The following KHDRBS2 variants were observed in gnomAD, a reference collection of about 807,000 sequenced individuals.
KHDRBS2 encodes the protein KH RNA binding domain containing, signal transduction associated 2, also known as KH domain-containing, RNA-binding, signal transduction-associated protein 2.
In KHDRBS2, 26 loss-of-function variants were observed where a neutral mutation model predicts 44.3. The ratio of observed to expected loss-of-function variants is 0.59; its 90% CI spans 0.43 to 0.81. The LOEUF (loss-of-function observed/expected upper bound fraction) is 0.81, where lower values mean the gene tolerates loss of function less well. KHDRBS2 is among the 40% of genes least tolerant of loss of function. The probability of loss-of-function intolerance (pLI) is 0.00; values close to 1 mark genes in which losing one functional copy is unlikely to be tolerated. For synonymous variants in KHDRBS2, 194 were observed against 151.1 expected (o/e 1.28, Z -2.08); for missense variants, 476 against 433.1 (o/e 1.10, Z -0.88).
the KHDRBS2 span, among the ~76,000 whole-genome samples, chr6:61,658,755 C>A: frequency 6.6e-6 from 1 of 151,900 alleles, no homozygotes; most frequent in Non-Finnish European, 1.5e-5. Flanking sequence ...AAATAGTACA[C>A]AATCCACATT....
the KHDRBS2 span, among the ~76,000 whole-genome samples, chr6:61,630,921 ACT>A: frequency 6.6e-6 from 1 of 151,692 alleles, no homozygotes; most frequent in Non-Finnish European, 1.5e-5. Context: ...GGTTTTTTAG[ACT>A]CTTCAGTGAG....
At chr6:61,978,006 G>A in intron 4 of KHDRBS2, 60 bp downstream of exon 4, 1 of 1,356,968 alleles carries the variant, frequency 7.4e-7, no homozygotes, top group African/African-American at 1.5e-5. Context: ...GAAGATCAAA[G>A]GTGCATTTTA....
At chr6:61,989,073 T>G (rs973218987) in intron 3 of KHDRBS2, among the ~76,000 whole-genome samples, 4 of 152,198 alleles carry the variant, frequency 2.6e-5, no homozygotes, top group African/African-American at 9.6e-5. Context: ...GGCTAGATTC[T>G]CCCTGTTGAA....
chr6:61,634,906 T>C, the KHDRBS2 span, among the ~76,000 whole-genome samples: 4 of 152,082 alleles, frequency 2.6e-5, no homozygotes, highest in East Asian at 5.8e-4. Context: ...CTTGTCTCAC[T>C]TTATTTAAGT....
intron 4 of KHDRBS2, among the ~76,000 whole-genome samples, chr6:61,962,238 A>C (rs944678631): frequency 5.9e-5 from 9 of 152,096 alleles, no homozygotes; most frequent in Non-Finnish European, 1.2e-4. Flanking sequence ...TTGAAAGTTC[A>C]TGGTTAGGTT....
intron 6 of KHDRBS2, among the ~76,000 whole-genome samples, chr6:61,817,772 A>G (rs1421332570): frequency 6.6e-6 from 1 of 151,620 alleles, no homozygotes; most frequent in Non-Finnish European, 1.5e-5. Context: ...CATAATAAGT[A>G]TAGCTTCCAC....
chr6:62,208,582 T>G (rs1828449085), intron 1 of KHDRBS2, among the ~76,000 whole-genome samples: 1 of 152,138 alleles, frequency 6.6e-6, no homozygotes, highest in Non-Finnish European at 1.5e-5. Flanking sequence ...TTTCACCTCT[T>G]TTGGGTATAT....
intron 7 of KHDRBS2, among the ~76,000 whole-genome samples, chr6:61,730,824 A>ATGTGTG: frequency 6.6e-6 from 1 of 150,518 alleles, no homozygotes; most frequent in South Asian, 2.1e-4. Context: ...CATTATATAT[A>ATGTGTG]TGTGTGTGTG....
chr6:61,578,833 CT>C, the KHDRBS2 span, among the ~76,000 whole-genome samples: 1 of 152,164 alleles, frequency 6.6e-6, no homozygotes, highest in African/African-American at 2.4e-5. Flanking sequence ...TCCTCATTGT[CT>C]TCTTTAAAGA....
intron 6 of KHDRBS2, among the ~76,000 whole-genome samples, chr6:61,801,564 T>C (rs1786283438): frequency 6.6e-6 from 1 of 152,178 alleles, no homozygotes; most frequent in African/African-American, 2.4e-5. Flanking sequence ...ATTTGTCTTA[T>C]TCAATTTTGT....
intron 6 of KHDRBS2, among the ~76,000 whole-genome samples, chr6:61,793,505 T>C (rs1397392863): frequency 6.6e-5 from 10 of 152,010 alleles, no homozygotes; most frequent in Non-Finnish European, 1.3e-4. Flanking sequence ...TAGTTACTTC[T>C]AAGGAGGGAA....
chr6:62,042,888 T>C (rs1297665968), intron 3 of KHDRBS2, among the ~76,000 whole-genome samples: 1 of 152,126 alleles, frequency 6.6e-6, no homozygotes, highest in Non-Finnish European at 1.5e-5. Context: ...AACAGCACTG[T>C]ACTTTTAACA....
At chr6:61,799,841 G>A (rs1224334416) in intron 6 of KHDRBS2, among the ~76,000 whole-genome samples, 1 of 151,876 alleles carries the variant, frequency 6.6e-6, no homozygotes, top group Non-Finnish European at 1.5e-5. Flanking sequence ...TTCCACTGTG[G>A]TTCAATAAAC....
intron 2 of KHDRBS2, among the ~76,000 whole-genome samples, chr6:62,122,008 C>T (rs1262663328): frequency 1.3e-5 from 2 of 152,028 alleles, no homozygotes; most frequent in Non-Finnish European, 2.9e-5. Flanking sequence ...ATTTTGGAGG[C>T]AACATATTCT....
chr6:61,686,975 G>A (rs1766886029), intron 8 of KHDRBS2, among the ~76,000 whole-genome samples: 1 of 151,688 alleles, frequency 6.6e-6, no homozygotes, highest in Non-Finnish European at 1.5e-5. Context: ...TTGTGAAGGT[G>A]CAAATCCAAA....
At chr6:62,073,507 G>A (rs1795666213) in intron 2 of KHDRBS2, among the ~76,000 whole-genome samples, 1 of 138,526 alleles carries the variant, frequency 7.2e-6, no homozygotes, top group South Asian at 2.3e-4. Flanking sequence ...CCAGATTATG[G>A]TTTGGTGATT....
At chr6:61,581,233 C>T in the KHDRBS2 span, among the ~76,000 whole-genome samples, 3 of 151,996 alleles carry the variant, frequency 2.0e-5, no homozygotes, top group Non-Finnish European at 4.4e-5. Flanking sequence ...CATGGCCATG[C>T]ACAATGTGCA....
intron 2 of KHDRBS2, among the ~76,000 whole-genome samples, chr6:62,051,951 T>C (rs1307727311): frequency 6.6e-6 from 1 of 151,984 alleles, no homozygotes; most frequent in Non-Finnish European, 1.5e-5. Context: ...CTCATACTTA[T>C]CAGGATAGCT....
intron 6 of KHDRBS2, among the ~76,000 whole-genome samples, chr6:61,853,258 CT>C (rs1301349094): frequency 6.6e-6 from 1 of 152,178 alleles, no homozygotes; most frequent in African/African-American, 2.4e-5. Flanking sequence ...ATCTCCAAAT[CT>C]ACTCACTGAG....
Sources: allele counts gnomAD v4.1 joint callset (sites outside exome capture counted in the v4.1 genomes callset), GRCh38; gene constraint gnomAD v4.1.1; transcripts MANE v1.5; gene names NCBI Gene and HGNC (gene_info 2026-07-23, HGNC 2026-07-21).